The following FAM107B variants were observed in gnomAD, a reference collection of about 807,000 sequenced individuals.
FAM107B encodes the protein protein FAM107B.
Under a neutral mutation model 31.5 loss-of-function variants are expected in FAM107B, and 21 were observed. The observed-to-expected ratio is 0.67, with a 90% CI of 0.47 to 0.96. FAM107B has a LOEUF of 0.96. Among genes scored for constraint, FAM107B ranks in the 40% least tolerant of loss-of-function variants. FAM107B has a pLI of 0.00. For synonymous variants in FAM107B, 157 were observed against 141.5 expected (o/e 1.11, Z -0.78); for missense variants, 452 against 377.1 (o/e 1.20, Z -1.64).
At chr10:14,631,462 C>T (rs919461859) in intron 2 of FAM107B, among the ~76,000 whole-genome samples, 11 of 152,202 alleles carry the variant, frequency 7.2e-5, no homozygotes, top group African/African-American at 2.7e-4. Flanking sequence ...TAGAATCCAT[C>T]TATTTTTAGA....
chr10:14,759,181 A>AAAT (rs1832991281), intron 1 of FAM107B, among the ~76,000 whole-genome samples: 37 of 144,886 alleles, frequency 2.6e-4, no homozygotes, highest in Non-Finnish European at 3.9e-4. Context: ...TCTGTCTCAA[A>AAAT]AAATAAATAA....
chr10:14,717,451 G>A (rs1564269789), intron 1 of FAM107B, among the ~76,000 whole-genome samples: 1 of 152,196 alleles, frequency 6.6e-6, no homozygotes, highest in Non-Finnish European at 1.5e-5. Flanking sequence ...TCAACACCAG[G>A]GAAGCGGACA....
intron 1 of FAM107B, among the ~76,000 whole-genome samples, chr10:14,692,598 C>A (rs960553568): frequency 6.6e-6 from 1 of 152,084 alleles, no homozygotes; most frequent in African/African-American, 2.4e-5. Flanking sequence ...CTGAACATAC[C>A]CGTTTGTCAT....
At chr10:14,529,441 TA>T (rs1402572864) in intron 3 of FAM107B, 1 of 152,112 alleles carries the variant, frequency 6.6e-6, no homozygotes, top group Admixed American at 6.5e-5. Context: ...AGAATTGCCA[TA>T]AAAATGCCCC....
At chr10:14,756,268 T>G (rs913458453) in intron 1 of FAM107B, among the ~76,000 whole-genome samples, 3 of 152,214 alleles carry the variant, frequency 2.0e-5, no homozygotes, top group African/African-American at 7.2e-5. Flanking sequence ...AATAAATTAA[T>G]TCTCTTCATC....
At chr10:14,651,845 G>A (rs777194900) in intron 2 of FAM107B, among the ~76,000 whole-genome samples, 3 of 152,168 alleles carry the variant, frequency 2.0e-5, no homozygotes, top group Non-Finnish European at 4.4e-5. Flanking sequence ...GATGAAAATG[G>A]TTTGGGTGTA....
chr10:14,697,444 T>G (rs1416641893), intron 1 of FAM107B, among the ~76,000 whole-genome samples: 1 of 152,244 alleles, frequency 6.6e-6, no homozygotes, highest in East Asian at 1.9e-4. Context: ...AAGTTTGCCG[T>G]GCTAGCCCAG....
rs1180669207 is a variant in FAM107B, at chr10:14,774,524, T to C, written c.140A>G (p.Asp47Gly). 3 of 1,614,196 alleles carry C rather than the reference T, an allele frequency of 1.9e-6. No individual in the cohort carries two copies. The highest frequency in any genetic ancestry group is 2.5e-6 in the Non-Finnish European group (3 of 1,180,036). ...CTGCACACGGACGGTGGAATGAGTA[T>C]CAGCCACGCCGGACTGATTGAAGGA... Reference protein sequence around the residue: ...SASFNQSGVADTHSTVRVQPV... With the variant: ...SASFNQSGVAGTHSTVRVQPV... The change falls in exon 1 of 5, where the codon GAT becomes GGT. Residue 47 changes from aspartate to glycine, a missense_variant. Coordinates refer to ENST00000181796, the MANE Select transcript of FAM107B (RefSeq NM_031453.4).
chr10:14,695,179 CA>C (rs1855236004), intron 1 of FAM107B, among the ~76,000 whole-genome samples: 1 of 152,116 alleles, frequency 6.6e-6, no homozygotes. Context: ...TTTTTGTGTA[CA>C]TTGTACGATA....
chr10:14,566,822 A>G (rs560094238), intron 2 of FAM107B, among the ~76,000 whole-genome samples: 2 of 152,326 alleles, frequency 1.3e-5, no homozygotes, highest in South Asian at 4.1e-4. Context: ...GCACTTGTAA[A>G]TGCTCATGAG....
chr10:14,766,115 A>G (rs886605374), intron 1 of FAM107B, among the ~76,000 whole-genome samples: 1 of 152,222 alleles, frequency 6.6e-6, no homozygotes, highest in Non-Finnish European at 1.5e-5. Flanking sequence ...AGAGGTGAAC[A>G]AGAGTTCCAA....
intron 2 of FAM107B, among the ~76,000 whole-genome samples, chr10:14,531,466 G>A (rs996771781): frequency 6.6e-6 from 1 of 151,410 alleles, no homozygotes; most frequent in African/African-American, 2.4e-5. Flanking sequence ...GGCTGCAGTG[G>A]GCTATGATTG....
At chr10:14,662,741 A>G (rs1588691560) in intron 2 of FAM107B, among the ~76,000 whole-genome samples, 1 of 152,212 alleles carries the variant, frequency 6.6e-6, no homozygotes, top group Admixed American at 6.5e-5. Flanking sequence ...GCCTGAGTGC[A>G]TGCCCTTCTG....
chr10:14,566,135 T>C (rs1327813105), intron 2 of FAM107B, among the ~76,000 whole-genome samples: 1 of 152,150 alleles, frequency 6.6e-6, no homozygotes, highest in African/African-American at 2.4e-5. Context: ...CCAGAAAATT[T>C]TGTAGCCAAT....
At chr10:14,724,587 G>A (rs1855986156) in intron 1 of FAM107B, among the ~76,000 whole-genome samples, 1 of 152,082 alleles carries the variant, frequency 6.6e-6, no homozygotes, top group African/African-American at 2.4e-5. Context: ...TAACCTTATG[G>A]ATCAACTCCA....
In FAM107B at chr10:14,519,141, A is replaced by C. The variant is rs1845398335; in HGVS notation, c.*2049T>G. The C allele has an allele frequency of 6.6e-6, 1 of 152,218 alleles. No homozygotes were observed. The highest frequency in any genetic ancestry group is 1.5e-5 in the Non-Finnish European group (1 of 68,036). 9.4% of individuals were successfully genotyped at this position (152,218 alleles called of 1,614,324 possible). A position where few individuals can be genotyped will look rare whatever the true frequency, so the allele number is the denominator to read the frequency against. ...CAGATTTGAGTGAGATTAGGAAAGA[A>C]ATGCTTTCTTAAGTAACTTTTTTTT... On this transcript the variant is annotated 3_prime_UTR_variant, in exon 5 of 5. Coordinates refer to ENST00000181796, the MANE Select transcript of FAM107B (RefSeq NM_031453.4).
At chr10:14,698,500 T>C (rs1008200916) in intron 1 of FAM107B, among the ~76,000 whole-genome samples, 2 of 152,264 alleles carry the variant, frequency 1.3e-5, no homozygotes, top group Non-Finnish European at 2.9e-5. Context: ...AATATGTGCA[T>C]TGCACATCAT....
chr10:14,755,566 ACACACCAT>A (rs1832911844), intron 1 of FAM107B, among the ~76,000 whole-genome samples: 1 of 152,076 alleles, frequency 6.6e-6, no homozygotes, highest in African/African-American at 2.4e-5. Context: ...ACACCATGCT[ACACACCAT>A]CATCCTCAAT....
At chr10:14,570,236 GTGTGTGTGTGT>G (rs1564577273) in intron 2 of FAM107B, among the ~76,000 whole-genome samples, 4 of 91,206 alleles carry the variant, frequency 4.4e-5, no homozygotes, top group Non-Finnish European at 8.0e-5. Context: ...TGTGGTGGGT[GTGTGTGTGTGT>G]GTGTGTGTGT....
Sources: gnomAD v4.1 joint callset for allele counts (sites outside exome capture counted in the v4.1 genomes callset) on GRCh38, gnomAD v4.1.1 for gene constraint, MANE v1.5 for transcripts, NCBI Gene and HGNC (gene_info 2026-07-23, HGNC 2026-07-21) for gene names.